The following GALNT18 variants were observed in gnomAD, a reference collection of about 807,000 sequenced individuals.
GALNT18 encodes the protein GalNAc-transferase 18.
GALNT18 carries 44 observed loss-of-function variants against 69.5 expected under a neutral mutation model. The ratio of observed to expected loss-of-function variants is 0.63; its 90% confidence interval spans 0.50 to 0.81. GALNT18 has a LOEUF of 0.81. Among genes scored for constraint, GALNT18 ranks in the 40% least tolerant of loss-of-function variants. The pLI, the probability that GALNT18 is intolerant of heterozygous loss-of-function variation, is 0.00. For missense variants in GALNT18, 715 were observed against 810.0 expected, an observed-to-expected ratio of 0.88 and a Z score of 1.42; for synonymous variants, 364 against 318.2, an observed-to-expected ratio of 1.14 and a Z score of -1.53.
chr11:11,502,872 C>A (rs568612424), intron 1 of GALNT18, among the ~76,000 whole-genome samples: 1 of 152,182 alleles, frequency 6.6e-6, no homozygotes, highest in Non-Finnish European at 1.5e-5. Context: ...GAATGAAGGG[C>A]ACTTTCCAGC....
chr11:11,372,768 T>C lies in GALNT18; in HGVS notation c.978-139A>G, dbSNP rs1204508176. 8 of 719,252 alleles carry C rather than the reference T, an allele frequency of 1.1e-5. No individual in the cohort carries two copies. The highest frequency in any genetic ancestry group is 1.7e-5 in the African/African-American group (1 of 57,590). 44.6% of individuals were successfully genotyped at this position (719,252 alleles called of 1,614,324 possible). On this transcript the variant is annotated intron_variant, in intron 5 of 10. Coordinates refer to ENST00000227756, the MANE Select transcript of GALNT18 (RefSeq NM_198516.3). The surrounding 1 kb of genome is among the most constrained non-coding windows in gnomAD (Gnocchi z 4.9). ...GCCAGTGTGAGCCTTGTTCTTGGAG[T>C]GGCCCCTGGGTCTGGCCTCACCCAA...
chr11:11,603,444 A>G lies in GALNT18; in HGVS notation c.235+17915T>C, dbSNP rs143498532. 2.8e-4 allele frequency among the ~76,000 whole-genome samples: 43 copies of G among 152,314 alleles called. 1 individual carries two copies. In the East Asian group the frequency reaches 7.3e-3, roughly 26 times the overall value. ...GGGCTTTCTCTGAGACTTCATTCCC[A>G]TATTTTCCTAAAATCAAACTTTGAA... On this transcript the variant is annotated intron_variant, in intron 1 of 10. Transcript: ENST00000227756. This position sits in a 1 kb window ranked among gnomAD's most constrained non-coding sequence, Gnocchi z 4.5.
At chr11:11,403,952 G>A (rs1267107098) in intron 3 of GALNT18, among the ~76,000 whole-genome samples, 1 of 152,218 alleles carries the variant, frequency 6.6e-6, no homozygotes, top group Non-Finnish European at 1.5e-5. Context: ...CTCCCCCTTA[G>A]ATGGTCGGAG....
At chr11:11,612,781 C>A (rs950428222) in intron 1 of GALNT18, among the ~76,000 whole-genome samples, 1 of 152,254 alleles carries the variant, frequency 6.6e-6, no homozygotes, top group Non-Finnish European at 1.5e-5. Flanking sequence ...GAACTGGCCA[C>A]AAGCCTCCTT....
intron 1 of GALNT18, among the ~76,000 whole-genome samples, chr11:11,569,446 C>T (rs761978025): frequency 6.8e-6 from 1 of 148,106 alleles, no homozygotes; most frequent in Non-Finnish European, 1.5e-5. Context: ...CCAACATGTC[C>T]TGGAAACCAT....
chr11:11,442,394 A>C (rs1354099039), intron 2 of GALNT18, among the ~76,000 whole-genome samples: 1 of 152,196 alleles, frequency 6.6e-6, no homozygotes, highest in Non-Finnish European at 1.5e-5. Flanking sequence ...GTAACATTAC[A>C]TACTCATAGG....
intron 3 of GALNT18, among the ~76,000 whole-genome samples, chr11:11,405,409 T>G (rs1854567723): frequency 6.6e-6 from 1 of 152,182 alleles, no homozygotes; most frequent in Non-Finnish European, 1.5e-5. Flanking sequence ...AAAGTGAATT[T>G]GAAGTGGCTA....
intron 3 of GALNT18, among the ~76,000 whole-genome samples, chr11:11,379,629 C>T (rs1484063904): frequency 2.6e-5 from 4 of 152,228 alleles, no homozygotes; most frequent in South Asian, 4.1e-4. Flanking sequence ...ACTTTCAAAC[C>T]AGGCCTAGTG....
chr11:11,313,108 TAAGA>T (rs992349779), intron 9 of GALNT18, among the ~76,000 whole-genome samples: 1 of 151,832 alleles, frequency 6.6e-6, no homozygotes, highest in Non-Finnish European at 1.5e-5. Flanking sequence ...GCTTGAGGGA[TAAGA>T]AAGGGGAGAA....
At chr11:11,292,698 T>G (rs776956812) in intron 10 of GALNT18, among the ~76,000 whole-genome samples, 4 of 152,170 alleles carry the variant, frequency 2.6e-5, no homozygotes, top group Admixed American at 6.5e-5. Context: ...GCTGTGAGAC[T>G]CTGGGCAGGG....
In GALNT18 at chr11:11,470,765, G is replaced by T. The variant is rs931754715; in HGVS notation, c.236-21829C>A. On this transcript the variant is annotated intron_variant, in intron 1 of 10. Coordinates refer to ENST00000227756, the MANE Select transcript of GALNT18 (RefSeq NM_198516.3). The surrounding 1 kb of genome is among the most constrained non-coding windows in gnomAD (Gnocchi z 4.8). ...CCCTGTGCTGGGCAGCATCTCCCCA[G>T]ACTACAGAACAGGAAGGACTGCCAG... Among the ~76,000 whole-genome samples the T allele has an allele frequency of 1.3e-5, 2 of 152,076 alleles. No homozygotes were observed. Among genetic ancestry groups the T allele is most frequent in the African/African-American group, 4.8e-5 (2 of 41,402 alleles).
At chr11:11,437,219 C>T (rs953586773) in intron 2 of GALNT18, among the ~76,000 whole-genome samples, 1 of 152,172 alleles carries the variant, frequency 6.6e-6, no homozygotes, top group African/African-American at 2.4e-5. Flanking sequence ...TGCACGAGAC[C>T]GAGCCCATGC....
Position 11,595,758 on chromosome 11 carries a change from T to C in GALNT18, c.235+25601A>G, listed in dbSNP as rs1489240509. ...ATTTATCACCTTTACTATTGCATTA[T>C]GAGTTTTTGTAAATTCTGGATATTA... On this transcript the variant is annotated intron_variant, in intron 1 of 10. Transcript: ENST00000227756. This position sits in a 1 kb window ranked among gnomAD's most constrained non-coding sequence, Gnocchi z 5.2. Among the ~76,000 whole-genome samples the C allele has an allele frequency of 6.6e-6, 1 of 152,232 alleles. No individual in the cohort carries two copies. Among genetic ancestry groups the C allele is most frequent in the Non-Finnish European group, 1.5e-5 (1 of 68,028 alleles).
At chr11:11,571,149 A>T (rs1011679714) in intron 1 of GALNT18, among the ~76,000 whole-genome samples, 1 of 152,176 alleles carries the variant, frequency 6.6e-6, no homozygotes, top group Non-Finnish European at 1.5e-5. Context: ...CATTTTACAG[A>T]TGAAAAAAAT....
rs1366612303 is a variant in GALNT18 at position 11,600,656 on chromosome 11, T to A, written c.235+20703A>T. ...TTATCCTATATGAACCTTGTTGAGC[T>A]TCTTGGATATAAAGATTAATATTCT... On this transcript the variant is annotated intron_variant, in intron 1 of 10. Coordinates refer to ENST00000227756, the MANE Select transcript of GALNT18 (RefSeq NM_198516.3). The surrounding 1 kb of genome is among the most constrained non-coding windows in gnomAD (Gnocchi z 4.8). Among the ~76,000 whole-genome samples, 1 of 152,136 alleles carries A rather than the reference T, an allele frequency of 6.6e-6. No homozygotes were observed. Among genetic ancestry groups the A allele is most frequent in the Non-Finnish European group, 1.5e-5 (1 of 68,000 alleles).
chr11:11,286,146 G>A (rs1249266634), intron 10 of GALNT18, among the ~76,000 whole-genome samples: 3 of 152,112 alleles, frequency 2.0e-5, no homozygotes, highest in Non-Finnish European at 4.4e-5. Context: ...CAATGTTCCC[G>A]CCAAAGAACC....
intron 1 of GALNT18, among the ~76,000 whole-genome samples, chr11:11,453,251 C>T (rs1287526297): frequency 3.3e-5 from 5 of 152,166 alleles, no homozygotes; most frequent in Non-Finnish European, 7.3e-5. Context: ...TACCATGCCA[C>T]GTCCTTCTCT....
chr11:11,429,631 CAGAG>C (rs56342555), intron 3 of GALNT18, among the ~76,000 whole-genome samples: 5 of 151,584 alleles, frequency 3.3e-5, no homozygotes, highest in Admixed American at 6.6e-5. Context: ...CTCCATTTTC[CAGAG>C]AGAGAGAGAA....
chr11:11,476,525 A>G (rs901551), intron 1 of GALNT18: 103,080 of 152,038 alleles, frequency 0.68, 35,765 homozygotes, highest in Admixed American at 0.78. Context: ...TTCTTTATTG[A>G]CTCATAAAGC....
Sources: gnomAD v4.1 joint callset for allele counts (sites outside exome capture counted in the v4.1 genomes callset) on GRCh38, gnomAD v4.1.1 for gene constraint, Gnocchi (gnomAD v3.1) non-coding constraint, MANE v1.5 for transcripts, NCBI Gene and HGNC (gene_info 2026-07-23, HGNC 2026-07-21) for gene names.